PDE7B: variants seen among roughly 807,000 people sequenced by gnomAD.
PDE7B encodes 3',5'-cyclic-AMP phosphodiesterase 7B.
A neutral mutation model predicts 56.2 loss-of-function variants in PDE7B; 29 were observed. The ratio of observed to expected loss-of-function variants is 0.52; its 90% confidence interval spans 0.38 to 0.70. PDE7B has a LOEUF of 0.70. Among genes scored for constraint, PDE7B ranks in the 30% least tolerant of loss-of-function variants. PDE7B has a pLI of 0.00. For synonymous variants in PDE7B, 197 were observed against 196.9 expected, an observed-to-expected ratio of 1.00 and a Z score of 0.00; for missense variants, 490 against 565.0, an observed-to-expected ratio of 0.87 and a Z score of 1.35.
At chr6:136,089,954 C>G (rs1777358708) in intron 2 of PDE7B, among the ~76,000 whole-genome samples, 1 of 152,156 alleles carries the variant, frequency 6.6e-6, no homozygotes, top group African/African-American at 2.4e-5. Context: ...TGTAATCTTT[C>G]CTATAGCCAT....
At chr6:135,979,343 G>T (rs548129480) in intron 2 of PDE7B, among the ~76,000 whole-genome samples, 11 of 151,742 alleles carry the variant, frequency 7.2e-5, no homozygotes, top group East Asian at 3.8e-4. Context: ...ATTCCCTTTT[G>T]TGGTTGTGTC....
At chr6:136,099,061 T>C (rs1777518311) in intron 2 of PDE7B, among the ~76,000 whole-genome samples, 1 of 152,086 alleles carries the variant, frequency 6.6e-6, no homozygotes, top group Non-Finnish European at 1.5e-5. Flanking sequence ...TTGCTGAGAA[T>C]GATGGTTTCC....
At position 136,061,705 on chromosome 6, in the gene PDE7B, C is replaced by A. The variant is rs115898162; in HGVS notation, c.83-47026C>A. Among the ~76,000 whole-genome samples the A allele has an allele frequency of 4.0e-3, 610 of 152,280 alleles. 4 individuals are homozygous for A. Among genetic ancestry groups the A allele is most frequent in the African/African-American group, 0.014 (590 of 41,570 alleles). On this transcript the variant is annotated intron_variant, in intron 2 of 12. Coordinates refer to ENST00000308191, the MANE Select transcript of PDE7B (RefSeq NM_018945.4). ...GTCAAGTACTAAATAAGCATTGAAT[C>A]AATGCTGGGCATAGTACCATGTTGG...
intron 2 of PDE7B, among the ~76,000 whole-genome samples, chr6:136,027,830 C>T (rs890766711): frequency 1.2e-4 from 18 of 152,262 alleles, no homozygotes; most frequent in Middle Eastern, 3.4e-3. Context: ...CCATGTTACC[C>T]AGGCTGGTCT....
At chr6:136,077,396 G>A (rs1000003348) in intron 2 of PDE7B, among the ~76,000 whole-genome samples, 1 of 152,086 alleles carries the variant, frequency 6.6e-6, no homozygotes, top group African/African-American at 2.4e-5. Flanking sequence ...GAATTATGAA[G>A]ACTATAATAA....
intron 2 of PDE7B, among the ~76,000 whole-genome samples, chr6:135,950,773 C>T (rs1310069037): frequency 6.6e-6 from 1 of 152,044 alleles, no homozygotes; most frequent in Non-Finnish European, 1.5e-5. Flanking sequence ...TTGGCGAGTC[C>T]CCATATCATT....
At chr6:135,855,516 TATG>T (rs1289226274) in intron 1 of PDE7B, among the ~76,000 whole-genome samples, 2 of 152,248 alleles carry the variant, frequency 1.3e-5, no homozygotes, top group Non-Finnish European at 2.9e-5. Context: ...TTTATTTTTA[TATG>T]ATGATCTATA....
At chr6:135,876,824 G>A (rs1267457043) in intron 1 of PDE7B, among the ~76,000 whole-genome samples, 3 of 151,618 alleles carry the variant, frequency 2.0e-5, no homozygotes, top group African/African-American at 7.3e-5. Flanking sequence ...GCGCCACTGC[G>A]CTCCAGCCTG....
In PDE7B at chr6:136,157,916, G is replaced by A. The variant is rs77384198; in HGVS notation, c.711+2158G>A. ...GTATGGTCCTGCCATCTACAGCTCC[G>A]TCTCTGATCAGTGTGTTGTGCATAT... On this transcript the variant is annotated intron_variant, in intron 8 of 12. Coordinates refer to ENST00000308191, the MANE Select transcript of PDE7B (RefSeq NM_018945.4). Among the ~76,000 whole-genome samples the A allele has an allele frequency of 2.8e-3, 422 of 152,272 alleles. 5 individuals carry two copies. Among genetic ancestry groups the A allele is most frequent in the African/African-American group, 9.4e-3 (390 of 41,544 alleles).
chr6:136,080,705 T>C (rs1296668544), intron 2 of PDE7B, among the ~76,000 whole-genome samples: 1 of 152,194 alleles, frequency 6.6e-6, no homozygotes, highest in Admixed American at 6.5e-5. Flanking sequence ...TTCAATTCGT[T>C]CATTTATTTG....
chr6:135,979,145 T>C (rs1241379521), intron 2 of PDE7B, among the ~76,000 whole-genome samples: 2 of 152,008 alleles, frequency 1.3e-5, no homozygotes, highest in Non-Finnish European at 2.9e-5. Flanking sequence ...CATGTGGTTT[T>C]TGTCTTTGGT....
At chr6:135,862,935 G>T (rs573858903) in intron 1 of PDE7B, among the ~76,000 whole-genome samples, 1 of 151,934 alleles carries the variant, frequency 6.6e-6, no homozygotes, top group African/African-American at 2.4e-5. Context: ...TTATTTAGAA[G>T]TATATTTATT....
chr6:136,138,048 G>A (rs748967459), intron 3 of PDE7B, among the ~76,000 whole-genome samples: 15 of 151,914 alleles, frequency 9.9e-5, no homozygotes, highest in Non-Finnish European at 1.9e-4. Context: ...CCAAACAAAG[G>A]TGCATTAGGA....
intron 3 of PDE7B, among the ~76,000 whole-genome samples, chr6:136,143,369 TA>T (rs945310092): frequency 1.7e-4 from 25 of 149,104 alleles, no homozygotes; most frequent in African/African-American, 3.0e-4. Context: ...TTTTTTTATT[TA>T]AAAAAAAAAT....
At chr6:135,878,975 T>G (rs1199043022) in intron 1 of PDE7B, among the ~76,000 whole-genome samples, 1 of 152,160 alleles carries the variant, frequency 6.6e-6, no homozygotes, top group Non-Finnish European at 1.5e-5. Flanking sequence ...TTGAGTATAT[T>G]TTTTGAAGTT....
At chr6:136,169,770 T>G (rs1177013485) in intron 8 of PDE7B, among the ~76,000 whole-genome samples, 1 of 152,212 alleles carries the variant, frequency 6.6e-6, no homozygotes, top group East Asian at 1.9e-4. Flanking sequence ...CAAAACAAAT[T>G]AGTCTAGCAT....
intron 1 of PDE7B, among the ~76,000 whole-genome samples, chr6:135,866,155 A>T (rs1042629908): frequency 6.6e-6 from 1 of 152,174 alleles, no homozygotes; most frequent in African/African-American, 2.4e-5. Context: ...ATGAAAAGTA[A>T]AAATCTTCCT....
chr6:136,153,900 A>T (rs973729845), intron 6 of PDE7B, among the ~76,000 whole-genome samples, 175 bp from the exon 7 acceptor site: 3 of 152,192 alleles, frequency 2.0e-5, no homozygotes, highest in Admixed American at 6.5e-5. Flanking sequence ...TCTCTGCTAA[A>T]AACAGCCTAG....
chr6:136,018,368 T>A (rs1776014018), intron 2 of PDE7B, among the ~76,000 whole-genome samples: 1 of 152,156 alleles, frequency 6.6e-6, no homozygotes, highest in Non-Finnish European at 1.5e-5. Context: ...CCTTTTTGAG[T>A]TGACTTCCTG....
Sources: allele counts gnomAD v4.1 joint callset (sites outside exome capture counted in the v4.1 genomes callset), GRCh38; gene constraint gnomAD v4.1.1; transcripts MANE v1.5; gene names NCBI Gene and HGNC (gene_info 2026-07-23, HGNC 2026-07-21).